Variants in SPAG16 observed in about 807,000 individuals in gnomAD.
SPAG16 encodes sperm-associated antigen 16 protein.
A neutral mutation model predicts 80.4 loss-of-function variants in SPAG16; 86 were observed. The ratio of observed to expected loss-of-function variants is 1.07; its 90% confidence interval spans 0.90 to 1.28. The LOEUF is 1.28. Ranked by LOEUF, SPAG16 falls within the 50% of genes most tolerant of loss-of-function variation. The pLI, the probability that SPAG16 is intolerant of heterozygous loss-of-function variation, is 0.00. For missense variants in SPAG16, 870 were observed against 765.3 expected (o/e 1.14, Z -1.61); for synonymous variants, 294 against 265.9 (o/e 1.11, Z -1.03).
intron 10 of SPAG16, among the ~76,000 whole-genome samples, chr2:213,775,441 TCTC>T (rs893095133): frequency 6.0e-4 from 92 of 152,280 alleles, no homozygotes; most frequent in African/African-American, 2.1e-3. Flanking sequence ...TTCCTCTCAC[TCTC>T]CTAATTTGTT....
intron 15 of SPAG16, among the ~76,000 whole-genome samples, chr2:214,158,091 C>T (rs2056292111): frequency 6.6e-6 from 1 of 152,006 alleles, no homozygotes. Context: ...TTGAGTAGGA[C>T]ACTTAACCTC....
At chr2:214,189,130 T>C (rs1221355608) in intron 15 of SPAG16, among the ~76,000 whole-genome samples, 4 of 152,162 alleles carry the variant, frequency 2.6e-5, no homozygotes, top group Non-Finnish European at 5.9e-5. Context: ...TCAAAATGAT[T>C]GTGAGACTCC....
chr2:213,885,565 G>A (rs2076523561), intron 11 of SPAG16, among the ~76,000 whole-genome samples: 1 of 151,962 alleles, frequency 6.6e-6, no homozygotes, highest in South Asian at 2.1e-4. Context: ...TTTATAACTG[G>A]TTTTCATTTC....
intron 15 of SPAG16, among the ~76,000 whole-genome samples, chr2:214,288,805 G>A (rs1036649235): frequency 1.1e-4 from 14 of 123,856 alleles, no homozygotes; most frequent in Admixed American, 7.6e-4. Flanking sequence ...GTCTCGCTCT[G>A]TCACCCAGGC....
chr2:213,609,859 A>G (rs2061386772), intron 10 of SPAG16, among the ~76,000 whole-genome samples: 1 of 151,992 alleles, frequency 6.6e-6, no homozygotes. Flanking sequence ...TATTTTATTC[A>G]TAGCTTCTTC....
At chr2:214,143,111 G>A (rs2055447239) in intron 14 of SPAG16, among the ~76,000 whole-genome samples, 1 of 152,016 alleles carries the variant, frequency 6.6e-6, no homozygotes, top group South Asian at 2.1e-4. Flanking sequence ...AAGCCACATG[G>A]CCTTAAATCC....
chr2:213,832,039 C>T (rs2073692140), intron 10 of SPAG16, among the ~76,000 whole-genome samples: 1 of 151,952 alleles, frequency 6.6e-6, no homozygotes, highest in South Asian at 2.1e-4. Flanking sequence ...CTCTGTCACC[C>T]AGGATGGAGT....
At chr2:213,843,000 A>T (rs763406110) in intron 10 of SPAG16, among the ~76,000 whole-genome samples, 16 of 151,952 alleles carry the variant, frequency 1.1e-4, no homozygotes, top group Non-Finnish European at 2.2e-4. Flanking sequence ...GAACACCTAT[A>T]CTCAAATGAT....
intron 6 of SPAG16, among the ~76,000 whole-genome samples, chr2:213,349,318 A>T (rs577315171): frequency 6.6e-6 from 1 of 152,320 alleles, no homozygotes; most frequent in East Asian, 1.9e-4. Flanking sequence ...AATGAAAAAT[A>T]AGAGCTGAAA....
At chr2:213,897,151 A>G (rs1316494516) in intron 11 of SPAG16, among the ~76,000 whole-genome samples, 2 of 152,154 alleles carry the variant, frequency 1.3e-5, no homozygotes, top group East Asian at 3.8e-4. Context: ...TTTACCAATT[A>G]TATGAGTGTA....
intron 10 of SPAG16, among the ~76,000 whole-genome samples, chr2:213,831,527 T>A (rs552669819): frequency 1.1e-4 from 16 of 152,244 alleles, no homozygotes; most frequent in African/African-American, 3.4e-4. Flanking sequence ...CGTTGTTGTG[T>A]TGGTAGTTTT....
intron 10 of SPAG16, among the ~76,000 whole-genome samples, chr2:213,737,713 C>T (rs192937599): frequency 5.9e-4 from 90 of 152,248 alleles, no homozygotes; most frequent in Middle Eastern, 6.8e-3. Flanking sequence ...TGGTCTCGAT[C>T]TCCTGACCTT....
intron 10 of SPAG16, among the ~76,000 whole-genome samples, chr2:213,752,764 T>C (rs2068136232): frequency 6.6e-6 from 1 of 152,180 alleles, no homozygotes; most frequent in African/African-American, 2.4e-5. Context: ...AGGCTAATGC[T>C]TTTCCGGTGT....
chr2:213,333,256 C>A (rs540608301), intron 5 of SPAG16, among the ~76,000 whole-genome samples: 2 of 151,908 alleles, frequency 1.3e-5, no homozygotes, highest in Non-Finnish European at 2.9e-5. Context: ...ATCCAACTTA[C>A]AATAGCCATG....
At chr2:214,051,073 T>C (rs759885664) in intron 13 of SPAG16, among the ~76,000 whole-genome samples, 67 of 152,294 alleles carry the variant, frequency 4.4e-4, no homozygotes, top group Non-Finnish European at 7.2e-4. Context: ...ACCTTTAATA[T>C]TGATGACATA....
At chr2:214,195,446 C>T (rs1318994918) in intron 15 of SPAG16, among the ~76,000 whole-genome samples, 1 of 151,938 alleles carries the variant, frequency 6.6e-6, no homozygotes, top group Admixed American at 6.6e-5. Context: ...AGGGGGTTAG[C>T]ATTAGATATG....
intron 15 of SPAG16, among the ~76,000 whole-genome samples, chr2:214,212,989 G>T (rs1406104723): frequency 2.6e-5 from 4 of 152,182 alleles, no homozygotes; most frequent in Non-Finnish European, 5.9e-5. Flanking sequence ...TATAATCAAA[G>T]AACTTTTTCC....
intron 15 of SPAG16, among the ~76,000 whole-genome samples, chr2:214,185,436 A>T (rs6707234): frequency 0.88 from 133,342 of 152,018 alleles, 58,591 homozygotes; most frequent in African/African-American, 0.93. Context: ...GAATAAAATA[A>T]ATTCGCATAA....
chr2:213,645,919 A>G (rs1345084015), intron 10 of SPAG16, among the ~76,000 whole-genome samples: 8 of 152,190 alleles, frequency 5.3e-5, no homozygotes, highest in Non-Finnish European at 1.0e-4. Context: ...GAAGGCACTC[A>G]AGTTCTGATG....
Sources: allele counts gnomAD v4.1 joint callset (sites outside exome capture counted in the v4.1 genomes callset), GRCh38; gene constraint gnomAD v4.1.1; transcripts MANE v1.5; gene names NCBI Gene and HGNC (gene_info 2026-07-23, HGNC 2026-07-21).